The following UBXN2B variants were observed in gnomAD, a reference collection of about 807,000 sequenced individuals.
UBXN2B encodes the protein UBX domain-containing protein 2B.
A neutral mutation model predicts 37.5 loss-of-function variants in UBXN2B; 19 were observed. The observed-to-expected ratio is 0.51, with a 90% CI of 0.35 to 0.74. UBXN2B has a LOEUF of 0.74. UBXN2B is among the 30% of genes least tolerant of loss of function. The pLI is 0.01. For synonymous variants in UBXN2B, 145 were observed against 143.8 expected (o/e 1.01, Z -0.06); for missense variants, 370 against 393.2 (o/e 0.94, Z 0.50).
chr8:58,416,328 T>G (rs1563455650), intron 1 of UBXN2B, among the ~76,000 whole-genome samples: 1 of 152,116 alleles, frequency 6.6e-6, no homozygotes, highest in Non-Finnish European at 1.5e-5. Flanking sequence ...AAACCATATA[T>G]AATTTATGGT....
At chr8:58,422,487 CGAT>C (rs1807954630) in intron 2 of UBXN2B, among the ~76,000 whole-genome samples, 1 of 152,182 alleles carries the variant, frequency 6.6e-6, no homozygotes. Context: ...TATCCACACT[CGAT>C]GATTCAACAT....
chr8:58,426,662 G>A (rs1189551601), intron 2 of UBXN2B: 3 of 737,632 alleles, frequency 4.1e-6, no homozygotes, highest in South Asian at 1.3e-5. Context: ...TGATATTTGG[G>A]TGAAACCATC....
chr8:58,425,493 G>T, intron 2 of UBXN2B: 1 of 1,115,878 alleles, frequency 9.0e-7, no homozygotes, highest in Non-Finnish European at 1.4e-6. Context: ...GATCACCATC[G>T]TGTAGGACAA....
At chr8:58,417,068 T>G in intron 2 of UBXN2B, 115 bp downstream of exon 2, 2 of 808,416 alleles carry the variant, frequency 2.5e-6, no homozygotes, top group Non-Finnish European at 3.6e-6. Flanking sequence ...TTTTTAAAAA[T>G]TATTATTCCA....
intron 3 of UBXN2B, among the ~76,000 whole-genome samples, chr8:58,431,364 T>C (rs1013772351): frequency 2.0e-5 from 3 of 152,248 alleles, no homozygotes; most frequent in African/African-American, 7.2e-5. Context: ...TCACTTGGCA[T>C]AATGCCCTTC....
At chr8:58,416,828 T>C in intron 1 of UBXN2B, 22 bp from the exon 2 acceptor site, 1 of 1,602,660 alleles carries the variant, frequency 6.2e-7, no homozygotes, top group East Asian at 2.2e-5. Context: ...TTATACTTTG[T>C]AACAAGCCTG....
intron 1 of UBXN2B, among the ~76,000 whole-genome samples, chr8:58,415,455 GTTTT>G: frequency 6.6e-6 from 1 of 151,858 alleles, no homozygotes; most frequent in East Asian, 1.9e-4. Context: ...TCATTTGTTT[GTTTT>G]TTGTTTTGTG....
At chr8:58,441,351 A>ATATATATATATATATATGTATGTG (rs142414560) in intron 6 of UBXN2B, among the ~76,000 whole-genome samples, 24,463 of 75,760 alleles carry the variant, frequency 0.32, 3,195 homozygotes, top group East Asian at 0.4. Context: ...TGATCAACAT[A>ATATATATATATATATATGTATGTG]TATATATATA....
At chr8:58,419,032 C>T (rs1807856187) in intron 2 of UBXN2B, among the ~76,000 whole-genome samples, 1 of 152,102 alleles carries the variant, frequency 6.6e-6, no homozygotes, top group Non-Finnish European at 1.5e-5. Flanking sequence ...CTGTCTGAAA[C>T]AATGCTGTGA....
chr8:58,446,779 A>ATTTTTTTTTTGTTTTTTTTT (rs1808683113), intron 7 of UBXN2B, among the ~76,000 whole-genome samples: 1 of 17,386 alleles, frequency 5.8e-5, no homozygotes, highest in Non-Finnish European at 1.0e-4. Context: ...TACAACCTGC[A>ATTTTTTTTTTGTTTTTTTTT]TTTTTTTTTT....
chr8:58,426,446 G>C, intron 2 of UBXN2B: 1 of 646,674 alleles, frequency 1.5e-6, no homozygotes, highest in East Asian at 2.9e-5. Context: ...CTGACTTTGT[G>C]ATCCGCCCTC....
intron 1 of UBXN2B, among the ~76,000 whole-genome samples, chr8:58,414,847 ACATTC>A (rs142335123): frequency 1.8e-3 from 273 of 152,162 alleles, no homozygotes; most frequent in African/African-American, 6.1e-3. Flanking sequence ...TGTATGTTCC[ACATTC>A]CATGGGGCTA....
At chr8:58,414,186 C>T (rs1255349247) in intron 1 of UBXN2B, among the ~76,000 whole-genome samples, 1 of 152,188 alleles carries the variant, frequency 6.6e-6, no homozygotes, top group Non-Finnish European at 1.5e-5. Context: ...TATTGAATGT[C>T]ATTATTCTGT....
In UBXN2B at chr8:58,430,517, A is replaced by C; in HGVS notation, c.189-2A>C. 6.5e-7 allele frequency: 1 copy of C among 1,535,634 alleles called. No individual in the cohort carries two copies. The highest frequency in any genetic ancestry group is 8.8e-7 in the Non-Finnish European group (1 of 1,138,848). Reference sequence around the variant, plus strand: ...TTTATTCATGAACTAAAATGTTTAAAGGTTTTACTCAAGTGAACATGAATA... The same window carrying C: ...TTTATTCATGAACTAAAATGTTTAACGGTTTTACTCAAGTGAACATGAATA... On this transcript the variant is annotated splice_acceptor_variant, in intron 2 of 7. Coordinates refer to ENST00000399598, the MANE Select transcript of UBXN2B (RefSeq NM_001077619.2). LOFTEE classifies it high-confidence loss of function.
At chr8:58,444,958 G>A (rs75647258) in intron 6 of UBXN2B, among the ~76,000 whole-genome samples, 2,438 of 152,218 alleles carry the variant, frequency 0.016, 50 homozygotes, top group African/African-American at 0.055. Flanking sequence ...AATGCTCATA[G>A]AACTTTTATA....
At chr8:58,414,333 A>G (rs1585591011) in intron 1 of UBXN2B, among the ~76,000 whole-genome samples, 2 of 152,226 alleles carry the variant, frequency 1.3e-5, no homozygotes, top group South Asian at 4.1e-4. Flanking sequence ...AGGTGTCTGT[A>G]TAATAATCAT....
At chr8:58,423,930 G>T (rs567187638) in intron 2 of UBXN2B, among the ~76,000 whole-genome samples, 1 of 150,870 alleles carries the variant, frequency 6.6e-6, no homozygotes, top group African/African-American at 2.4e-5. Flanking sequence ...ATTGGTCATC[G>T]GCTGGAAAAA....
intron 2 of UBXN2B, chr8:58,425,877 T>C: frequency 1.7e-6 from 2 of 1,161,006 alleles, no homozygotes; most frequent in Non-Finnish European, 2.6e-6. Context: ...ACTTTAGACT[T>C]GCCGTTATTG....
At chr8:58,414,519 A>G (rs572783815) in intron 1 of UBXN2B, among the ~76,000 whole-genome samples, 1 of 152,336 alleles carries the variant, frequency 6.6e-6, no homozygotes, top group South Asian at 2.1e-4. Flanking sequence ...TATCCTCTGC[A>G]TATTATTGAA....
Sources: gnomAD v4.1 joint callset for allele counts (sites outside exome capture counted in the v4.1 genomes callset) on GRCh38, gnomAD v4.1.1 for gene constraint, MANE v1.5 for transcripts, NCBI Gene and HGNC (gene_info 2026-07-23, HGNC 2026-07-21) for gene names.